SAMD15: variants seen among roughly 807,000 people sequenced by gnomAD.
SAMD15 encodes sterile alpha motif domain-containing protein 15.
In SAMD15, 37 loss-of-function variants were observed where a neutral mutation model predicts 50.5. The ratio of observed to expected loss-of-function variants is 0.73; its 90% confidence interval spans 0.56 to 0.96. The LOEUF is 0.96. SAMD15 is among the 40% of genes least tolerant of loss of function. The pLI is 0.00. For synonymous variants in SAMD15, 255 were observed against 282.8 expected (o/e 0.90, Z 0.99); for missense variants, 789 against 783.8 (o/e 1.01, Z -0.08).
chr14:77,385,693 G>A (rs576442291), intron 2 of SAMD15, among the ~76,000 whole-genome samples: 88 of 152,140 alleles, frequency 5.8e-4, no homozygotes, highest in Non-Finnish European at 9.1e-4. Flanking sequence ...AGCTGTTTCT[G>A]TCTCTCGCCT....
intron 2 of SAMD15, among the ~76,000 whole-genome samples, chr14:77,381,164 C>T (rs1893939072): frequency 6.6e-6 from 1 of 152,194 alleles, no homozygotes; most frequent in African/African-American, 2.4e-5. Context: ...GTTCTCATGA[C>T]ATTTTGTGTC....
At position 77,380,457 on chromosome 14, in the gene SAMD15, G is replaced by C. The variant is rs149879484; in HGVS notation, c.1764G>C (p.Gly588=). The change falls in exon 2 of 3, where the codon GGG becomes GGC. Residue 588 remains glycine, a synonymous_variant. Transcript: ENST00000216471. ...HVNCSNLPQM[G]ITNFEDMKAI... ...ACTGCTCAAACCTCCCTCAGATGGGGATAACAAACTTTGAGGACATGAAGG... is the reference window on the plus strand; with the variant it reads ...ACTGCTCAAACCTCCCTCAGATGGGCATAACAAACTTTGAGGACATGAAGG... 2.7e-4 allele frequency: 442 copies of C among 1,613,364 alleles called. No individual in the cohort carries two copies. Among genetic ancestry groups the C allele is most frequent in the Non-Finnish European group, 3.5e-4 (415 of 1,179,522 alleles).
At chr14:77,390,965 G>C in intron 2 of SAMD15, 43 bp from the exon 3 acceptor site, 1 of 1,165,162 alleles carries the variant, frequency 8.6e-7, no homozygotes, top group Non-Finnish European at 1.3e-6. Flanking sequence ...ATTTGGTTGT[G>C]TTTTCAGGTT....
chr14:77,383,977 CAAAAAAA>C (rs71128618), intron 2 of SAMD15, among the ~76,000 whole-genome samples: 4 of 59,086 alleles, frequency 6.8e-5, no homozygotes, highest in Non-Finnish European at 9.0e-5. Context: ...GACTCAGTCT[CAAAAAAA>C]AAAAAAAAAA....
At position 77,391,985 on chromosome 14, in the gene SAMD15, C is replaced by CA. The variant is rs1205718004; in HGVS notation, c.*742dup. On this transcript the variant is annotated 3_prime_UTR_variant, in exon 3 of 3. Transcript: ENST00000216471. ...AGAAGAATCATTTGAACCCAGGAAA[C>CA]AGAGGTTATAGTGAGCTGAGATGGT... Among the ~76,000 whole-genome samples, 4 of 152,090 alleles carry CA rather than the reference C, an allele frequency of 2.6e-5. No homozygotes were observed. Among genetic ancestry groups the CA allele is most frequent in the African/African-American group, 9.7e-5 (4 of 41,426 alleles).
rs1029605577 is a variant in SAMD15, at chr14:77,391,162, T to A, written c.1943T>A (p.Val648Asp). Residue 648 changes from valine to aspartate, a missense_variant, in exon 3 of 3, where the codon GTC becomes GAC. Coordinates refer to ENST00000216471, the MANE Select transcript of SAMD15 (RefSeq NM_001010860.4). ...GATTCCTTGACTTTATCTGAATTTG[T>A]CAAAGCAGCAGGATTACAGGATTAT... ...KSDSLTLSEF[V>D]KAAGLQDYAP... 3 of 1,614,000 alleles carry A rather than the reference T, an allele frequency of 1.9e-6. No individual in the cohort carries two copies. The highest frequency in any genetic ancestry group is 2.5e-6 in the Non-Finnish European group (3 of 1,179,938).
intron 2 of SAMD15, among the ~76,000 whole-genome samples, chr14:77,381,066 T>G (rs1426741734): frequency 6.6e-6 from 1 of 152,172 alleles, no homozygotes; most frequent in African/African-American, 2.4e-5. Flanking sequence ...AATATGAATC[T>G]TAATCATCCT....
chr14:77,378,593 A>G lies in SAMD15; in HGVS notation c.1175A>G (p.Glu392Gly). The change falls in exon 1 of 3, where the codon GAA (glutamate) becomes GGA (glycine). Residue 392 changes from glutamate (E) to glycine (G), a missense_variant. This residue lies in a region of SAMD15 where 770 missense variants were observed against 745.4 expected (regional missense o/e 1.03). Coordinates refer to ENST00000216471, the MANE Select transcript of SAMD15 (RefSeq NM_001010860.4). The part of the protein sequence containing the change: ...VLPQEINPQV[E>G]EKTQTKPTEK... ...CCACAGGAGATCAACCCACAAGTTG[A>G]AGAGAAAACACAAACAAAGCCAACT... is the stretch of plus-strand genomic sequence containing the variant. 1 of 1,613,660 alleles carries G rather than the reference A, an allele frequency of 6.2e-7. No homozygotes were observed.
chr14:77,388,125 TCTCAGCCCACA>T (rs1161549438), intron 2 of SAMD15, among the ~76,000 whole-genome samples: 5 of 152,004 alleles, frequency 3.3e-5, no homozygotes, highest in Non-Finnish European at 5.9e-5. Flanking sequence ...TAGTGAACCC[TCTCAGCCCACA>T]GTGGGCACAC....
chr14:77,385,111 A>AG (rs1893989673), intron 2 of SAMD15, among the ~76,000 whole-genome samples: 1 of 151,886 alleles, frequency 6.6e-6, no homozygotes, highest in African/African-American at 2.4e-5. Flanking sequence ...TGAACCTGGA[A>AG]GGCAGAGGTT....
At chr14:77,381,949 T>G (rs528318797) in intron 2 of SAMD15, among the ~76,000 whole-genome samples, 1 of 152,222 alleles carries the variant, frequency 6.6e-6, no homozygotes, top group African/African-American at 2.4e-5. Context: ...TTGTTTTTGT[T>G]TTTTTTGAGA....
At chr14:77,388,034 C>A (rs192899072) in intron 2 of SAMD15, among the ~76,000 whole-genome samples, 4 of 152,330 alleles carry the variant, frequency 2.6e-5, no homozygotes, top group Non-Finnish European at 5.9e-5. Context: ...CAGAGCAAGA[C>A]CTTCCTGTCT....
intron 2 of SAMD15, among the ~76,000 whole-genome samples, chr14:77,385,416 G>C (rs562764852): frequency 4.6e-4 from 70 of 151,968 alleles, no homozygotes; most frequent in African/African-American, 1.5e-3. Context: ...CTCCCGAGTA[G>C]CTGGGATTAC....
intron 2 of SAMD15, among the ~76,000 whole-genome samples, chr14:77,388,512 C>A (rs1321671329): frequency 6.6e-6 from 1 of 151,690 alleles, no homozygotes; most frequent in Non-Finnish European, 1.5e-5. Flanking sequence ...AACTCCTGGG[C>A]TCAAAAGATC....
Position 77,382,486 on chromosome 14 carries a change from T to C in SAMD15, c.1788+2005T>C, listed in dbSNP as rs567205820. ...ATTGGCCAGGCTGGTCTCAAACTCC[T>C]GACCTTAAGTGATCTGCCGGCCTTG... is the stretch of plus-strand genomic sequence containing the variant. On this transcript the variant is annotated intron_variant, in intron 2 of 2. Transcript: ENST00000216471. 1.6e-4 allele frequency among the ~76,000 whole-genome samples: 25 copies of C among 152,276 alleles called. No individual in the cohort carries two copies. In the South Asian group the frequency reaches 5.0e-3, roughly 30 times the overall value.
At chr14:77,390,354 T>G (rs777436875) in intron 2 of SAMD15, among the ~76,000 whole-genome samples, 1 of 152,082 alleles carries the variant, frequency 6.6e-6, no homozygotes, top group Non-Finnish European at 1.5e-5. Context: ...AGACAAGTTA[T>G]TTAATAACCT....
chr14:77,380,333 C>G (rs1283266932), intron 1 of SAMD15, 50 bp from the exon 2 acceptor site: 1 of 1,121,350 alleles, frequency 8.9e-7, no homozygotes, highest in East Asian at 2.4e-5. Context: ...TCCCTTTCTT[C>G]CTTCTATTTG....
intron 2 of SAMD15, among the ~76,000 whole-genome samples, chr14:77,382,129 GGT>G (rs1893950612): frequency 6.7e-6 from 1 of 149,178 alleles, no homozygotes; most frequent in Non-Finnish European, 1.5e-5. Context: ...GTTTTTTTGG[GGT>G]TTTTTTTTTT....
chr14:77,377,778 A>T lies in SAMD15; in HGVS notation c.360A>T (p.Lys120Asn). 6.2e-7 allele frequency: 1 copy of T among 1,614,138 alleles called. No individual in the cohort carries two copies. Among genetic ancestry groups the T allele is most frequent in the Non-Finnish European group, 8.5e-7 (1 of 1,180,020 alleles). The change falls in exon 1 of 3, where the codon AAA becomes AAT. Residue 120 changes from lysine to asparagine, a missense_variant. Physicochemically the swap from Lys to Asn is moderately conservative, Grantham distance 94. Coordinates refer to ENST00000216471, the MANE Select transcript of SAMD15 (RefSeq NM_001010860.4). ...CCAGAGAGATGGGAGAGTTTTTCAA[A>T]GATTTGGAGGCCCCTATGGATGAAA... is the stretch of plus-strand genomic sequence containing the variant. Reference protein sequence around the residue: ...ETSREMGEFFKDLEAPMDETH... With the variant: ...ETSREMGEFFNDLEAPMDETH...
Sources: allele counts gnomAD v4.1 joint callset (sites outside exome capture counted in the v4.1 genomes callset), GRCh38; gene constraint gnomAD v4.1.1; regional missense constraint gnomAD v4.1.1; transcripts MANE v1.5; gene names NCBI Gene and HGNC (gene_info 2026-07-23, HGNC 2026-07-21).